The following PLXNA4 variants were observed in gnomAD, a reference collection of about 807,000 sequenced individuals.
PLXNA4 encodes plexin A4.
PLXNA4 carries 44 observed loss-of-function variants against 191.8 expected under a neutral mutation model. That is an observed-to-expected ratio of 0.23 (90% CI 0.18 to 0.29). The LOEUF (loss-of-function observed/expected upper bound fraction) is 0.29, where lower values mean the gene tolerates loss of function less well. PLXNA4 is among the 10% of genes least tolerant of loss of function. The pLI is 1.00. For missense variants in PLXNA4, 1,800 were observed against 2,488.8 expected, an observed-to-expected ratio of 0.72 and a Z score of 5.89; for synonymous variants, 1,082 against 1,009.5, an observed-to-expected ratio of 1.07 and a Z score of -1.36.
chr7:132,505,971 C>T (rs1003209038), intron 2 of PLXNA4, among the ~76,000 whole-genome samples: 20 of 152,080 alleles, frequency 1.3e-4, no homozygotes, highest in African/African-American at 3.6e-4. Flanking sequence ...AAAGTGGAGT[C>T]CCCTCCATTC....
rs182814189 is a variant in PLXNA4, at chr7:132,297,219, C to T, written c.1503+872G>A. Among the ~76,000 whole-genome samples, 24 of 152,224 alleles carry T rather than the reference C, an allele frequency of 1.6e-4. No homozygotes were observed. In the South Asian group the frequency reaches 3.3e-3, roughly 21 times the overall value. ...GGCCGCTGCTGCCACTCAGAGCTAA[C>T]GCATACATATTCATGGGATAGAGGG... On this transcript the variant is annotated intron_variant, in intron 4 of 31. Transcript: ENST00000321063.
chr7:132,227,755 G>A (rs1450373760), intron 6 of PLXNA4, 151 bp from the exon 7 acceptor site: 1 of 1,005,332 alleles, frequency 9.9e-7, no homozygotes, highest in Non-Finnish European at 1.4e-6. Flanking sequence ...AGAGACTCAG[G>A]TTATTAGGAG....
intron 25 of PLXNA4, among the ~76,000 whole-genome samples, chr7:132,156,879 G>A (rs998969793): frequency 5.3e-5 from 8 of 152,204 alleles, no homozygotes; most frequent in Non-Finnish European, 8.8e-5. Context: ...GTAAGAAGAA[G>A]CCTAGAGCTT....
chr7:132,562,930 C>CT (rs1801320949), intron 1 of PLXNA4, among the ~76,000 whole-genome samples: 4 of 7,924 alleles, frequency 5.0e-4, no homozygotes, highest in Non-Finnish European at 1.0e-3. Flanking sequence ...CTCCTCCTCT[C>CT]CCTCCTCCTC....
intron 1 of PLXNA4, among the ~76,000 whole-genome samples, chr7:132,528,519 T>A (rs1210703987): frequency 6.6e-6 from 1 of 152,154 alleles, no homozygotes; most frequent in African/African-American, 2.4e-5. Flanking sequence ...GGTCTCCTTC[T>A]CCCTGCCAGT....
At chr7:132,268,366 A>C (rs1278968706) in intron 4 of PLXNA4, among the ~76,000 whole-genome samples, 1 of 152,244 alleles carries the variant, frequency 6.6e-6, no homozygotes. Flanking sequence ...CATGCATGAC[A>C]GTTTCCTCCT....
chr7:132,464,386 C>T (rs753032733), intron 3 of PLXNA4, among the ~76,000 whole-genome samples: 2 of 152,090 alleles, frequency 1.3e-5, no homozygotes, highest in African/African-American at 2.4e-5. Flanking sequence ...AGATGCCGTC[C>T]GGCTTGGAAT....
At chr7:132,498,860 A>G (rs1362793699) in intron 2 of PLXNA4, among the ~76,000 whole-genome samples, 1 of 152,220 alleles carries the variant, frequency 6.6e-6, no homozygotes, top group Non-Finnish European at 1.5e-5. Flanking sequence ...CATTAAATGA[A>G]TGCATTTAAC....
chr7:132,204,032 G>T (rs536403871), intron 10 of PLXNA4, among the ~76,000 whole-genome samples: 49 of 152,170 alleles, frequency 3.2e-4, no homozygotes, highest in Non-Finnish European at 3.4e-4. Context: ...ATGGGAGCTT[G>T]TTGGTGACGG....
At chr7:132,515,600 C>T (rs1217245479) in intron 1 of PLXNA4, among the ~76,000 whole-genome samples, 3 of 152,132 alleles carry the variant, frequency 2.0e-5, no homozygotes, top group Admixed American at 6.5e-5. Flanking sequence ...TTACAGATAG[C>T]GAGGCACAAT....
At chr7:132,375,587 T>C (rs1198761625) in intron 3 of PLXNA4, among the ~76,000 whole-genome samples, 1 of 152,148 alleles carries the variant, frequency 6.6e-6, no homozygotes, top group Non-Finnish European at 1.5e-5. Flanking sequence ...CACAGTGTGA[T>C]CCATGCCAAC....
Position 132,179,567 on chromosome 7 carries a change from C to T in PLXNA4, c.3874+120G>A, listed in dbSNP as rs1796634191. ...CACCGCCAGCCTCCAGCACTGCCCA[C>T]TGCTGCCCAGCCTGCTTGTTTGTAT... On this transcript the variant is annotated intron_variant, in intron 20 of 31. Transcript: ENST00000321063. 4.9e-6 allele frequency: 7 copies of T among 1,436,894 alleles called. No individual in the cohort carries two copies. In the Admixed American group the frequency reaches 1.5e-4, roughly 30 times the overall value. The allele number at this position is 1,436,894 out of a possible 1,614,324, so 89.0% of individuals were successfully genotyped here.
chr7:132,378,897 G>T (rs1263050199), intron 3 of PLXNA4, among the ~76,000 whole-genome samples: 1 of 148,748 alleles, frequency 6.7e-6, no homozygotes. Context: ...TGTTGCCCAG[G>T]CTGGAGTGCA....
At position 132,361,060 on chromosome 7, in the gene PLXNA4, C is replaced by T. The variant is rs9969260; in HGVS notation, c.1372-62838G>A. 5.5e-3 allele frequency among the ~76,000 whole-genome samples: 838 copies of T among 152,332 alleles called. 6 individuals carry two copies. The highest frequency in any genetic ancestry group is 0.019 in the African/African-American group (807 of 41,578). On this transcript the variant is annotated intron_variant, in intron 3 of 31. Coordinates refer to ENST00000321063, the MANE Select transcript of PLXNA4 (RefSeq NM_020911.2). ...TGAAGATACTGGCCTTAACATGGAT[C>T]GTCCTCCATGCCATCCACTTCCCCA... is the stretch of plus-strand genomic sequence containing the variant.
intron 20 of PLXNA4, among the ~76,000 whole-genome samples, chr7:132,178,556 G>A (rs1214240639): frequency 6.6e-6 from 1 of 152,212 alleles, no homozygotes. Context: ...GTGTTGCCAG[G>A]GTGGGGCCTG....
chr7:132,479,063 T>C (rs769645378), intron 3 of PLXNA4, among the ~76,000 whole-genome samples: 75 of 151,030 alleles, frequency 5.0e-4, no homozygotes, highest in Non-Finnish European at 9.2e-4. Context: ...AGGTCAGGAG[T>C]TTAAGACCAG....
At chr7:132,526,425 AC>A (rs1799403760) in intron 1 of PLXNA4, among the ~76,000 whole-genome samples, 1 of 152,200 alleles carries the variant, frequency 6.6e-6, no homozygotes, top group Non-Finnish European at 1.5e-5. Flanking sequence ...TGACAGGAAA[AC>A]AAATGTAGAG....
chr7:132,161,047 C>A lies in PLXNA4; in HGVS notation c.4501-1415G>T, dbSNP rs538546537. Among the ~76,000 whole-genome samples, 129 of 152,344 alleles carry A rather than the reference C, an allele frequency of 8.5e-4. 4 individuals are homozygous for A. In the South Asian group the frequency reaches 0.026, roughly 31 times the overall value. ...CATGTGTGCCTCCTCCCAGCTCTCC[C>A]CTCCTTCTAAGAGTCTTCTGGCCCC... On this transcript the variant is annotated intron_variant, in intron 24 of 31. Transcript: ENST00000321063.
chr7:132,419,867 C>T lies in PLXNA4; in HGVS notation c.1371+69425G>A, dbSNP rs573907567. On this transcript the variant is annotated intron_variant, in intron 3 of 31. Coordinates refer to ENST00000321063, the MANE Select transcript of PLXNA4 (RefSeq NM_020911.2). ...GTTCCAACACAACTTTACTTATGTA[C>T]AGTAAAATTCAAACTTCATGTCACT... is the stretch of plus-strand genomic sequence containing the variant. Among the ~76,000 whole-genome samples, 6 of 152,258 alleles carry T rather than the reference C, an allele frequency of 3.9e-5. No homozygotes were observed. In the East Asian group the frequency reaches 1.2e-3, roughly 29 times the overall value.
Sources: gnomAD v4.1 joint callset for allele counts (sites outside exome capture counted in the v4.1 genomes callset) on GRCh38, gnomAD v4.1.1 for gene constraint, MANE v1.5 for transcripts, NCBI Gene and HGNC (gene_info 2026-07-23, HGNC 2026-07-21) for gene names.